The following NOSIP variants were observed in gnomAD, a reference collection of about 807,000 sequenced individuals.
NOSIP encodes nitric oxide synthase-interacting protein.
In NOSIP, 25 loss-of-function variants were observed where a neutral mutation model predicts 36.4. The observed-to-expected ratio is 0.69, with a 90% confidence interval of 0.50 to 0.96. The LOEUF (loss-of-function observed/expected upper bound fraction) is 0.96. NOSIP is among the 40% of genes least tolerant of loss of function. NOSIP has a pLI of 0.00. For missense variants in NOSIP, 370 were observed against 429.0 expected, an observed-to-expected ratio of 0.86 and a Z score of 1.21; for synonymous variants, 187 against 179.2, an observed-to-expected ratio of 1.04 and a Z score of -0.35.
chr19:49,557,503 T>G (rs2080270841), intron 4 of NOSIP: 3 of 1,306,706 alleles, frequency 2.3e-6, no homozygotes, highest in Non-Finnish European at 2.0e-6. Flanking sequence ...CCTCAGTTTC[T>G]TCATCTGTAA....
At chr19:49,564,904 C>T (rs1260817496) in intron 1 of NOSIP, among the ~76,000 whole-genome samples, 1 of 152,130 alleles carries the variant, frequency 6.6e-6, no homozygotes, top group Non-Finnish European at 1.5e-5. Context: ...AGGCGAGACA[C>T]CAGACACGCA....
intron 1 of NOSIP, among the ~76,000 whole-genome samples, chr19:49,575,598 CAG>C (rs1483559648): frequency 6.6e-6 from 1 of 152,072 alleles, no homozygotes; most frequent in Non-Finnish European, 1.5e-5. Context: ...TCTAGGAAGT[CAG>C]AGGATATAGC....
rs1398080377 is a variant in NOSIP, at chr19:49,558,997, A to G, written c.177-19T>C. ...ATCTGGGCTGCAAAGACAGGGTGCAATGAGAAAGAAAGAAAGTGATCCTCC... is the reference window on the plus strand; with the variant it reads ...ATCTGGGCTGCAAAGACAGGGTGCAGTGAGAAAGAAAGAAAGTGATCCTCC... On this transcript the variant is annotated intron_variant, in intron 3 of 8. Coordinates refer to ENST00000596358, the MANE Select transcript of NOSIP (RefSeq NM_001270960.2). 2 of 1,605,540 alleles carry G rather than the reference A, an allele frequency of 1.2e-6. No individual in the cohort carries two copies. Among genetic ancestry groups the G allele is most frequent in the Admixed American group, 3.3e-5 (2 of 59,894 alleles).
chr19:49,560,177 C>T lies in NOSIP; in HGVS notation c.71-138G>A, dbSNP rs113717609. On this transcript the variant is annotated intron_variant, in intron 2 of 8. Coordinates refer to ENST00000596358, the MANE Select transcript of NOSIP (RefSeq NM_001270960.2). The surrounding 1 kb of genome is among the most constrained non-coding windows in gnomAD (Gnocchi z 4.6). ...CAGAGAGAAACAGGCAGTTGGGAGC[C>T]GCTGCCTGTGTGCTGGGGCCACGGG... The T allele has an allele frequency of 6.1e-5, 39 of 640,416 alleles. No individual in the cohort carries two copies. Among genetic ancestry groups the T allele is most frequent in the African/African-American group, 4.4e-4 (24 of 54,822 alleles). The allele number at this position is 640,416 out of a possible 1,614,324, so 39.7% of individuals were successfully genotyped here.
chr19:49,562,658 GGATCACGA>G (rs1318332368), intron 1 of NOSIP, among the ~76,000 whole-genome samples: 1 of 152,104 alleles, frequency 6.6e-6, no homozygotes, highest in Admixed American at 6.6e-5. Context: ...AGGCGGGGGC[GGATCACGA>G]GATCAAGAGA....
chr19:49,573,358 C>T (rs1377209775), intron 1 of NOSIP, among the ~76,000 whole-genome samples: 1 of 152,204 alleles, frequency 6.6e-6, no homozygotes, highest in Non-Finnish European at 1.5e-5. Flanking sequence ...CCTGCCTCTC[C>T]GGGATCAGTT....
intron 1 of NOSIP, among the ~76,000 whole-genome samples, chr19:49,569,895 T>C (rs2080463036): frequency 6.6e-6 from 1 of 151,822 alleles, no homozygotes; most frequent in Non-Finnish European, 1.5e-5. Context: ...GCAGATCACC[T>C]GAGGTCAGGA....
In NOSIP at chr19:49,560,758, G is replaced by T; in HGVS notation, c.-1-66C>A. ...GGCAGGCAGCACAGGGAAGACCTCT[G>T]CAGCCCTCAGAGCTGATCTGCCCCC... On this transcript the variant is annotated intron_variant, in intron 1 of 8. Coordinates refer to ENST00000596358, the MANE Select transcript of NOSIP (RefSeq NM_001270960.2). The surrounding 1 kb of genome is among the most constrained non-coding windows in gnomAD (Gnocchi z 4.6). The T allele has an allele frequency of 1.6e-6, 2 of 1,223,298 alleles. No homozygotes were observed. Among genetic ancestry groups the T allele is most frequent in the Non-Finnish European group, 2.4e-6 (2 of 848,838 alleles). 75.8% of individuals were successfully genotyped at this position (1,223,298 alleles called of 1,614,324 possible).
chr19:49,556,986 G>A lies in NOSIP; in HGVS notation c.426C>T (p.Val142=). The part of the protein sequence containing the change: ...KALSGTSPDD[V]QPGPSVGPPS... ...GAGGACCCACACTGGGCCCAGGTTG[G>A]ACATCATCTGTGGGGGAAGGAAGGG... Residue 142 remains valine (V), a synonymous_variant, in exon 6 of 9, where the codon GTC becomes GTT. Coordinates refer to ENST00000596358, the MANE Select transcript of NOSIP (RefSeq NM_001270960.2). 1 of 1,607,862 alleles carries A rather than the reference G, an allele frequency of 6.2e-7. No individual in the cohort carries two copies. Among genetic ancestry groups the A allele is most frequent in the Non-Finnish European group, 8.5e-7 (1 of 1,177,102 alleles).
In NOSIP at chr19:49,556,982, G is replaced by T. The variant is rs1175119319; in HGVS notation, c.430C>A (p.Pro144Thr). 10 of 1,608,922 alleles carry T rather than the reference G, an allele frequency of 6.2e-6. No homozygotes were observed. The highest frequency in any genetic ancestry group is 1.3e-5 in the African/African-American group (1 of 74,864). The change falls in exon 6 of 9, where the codon CCT becomes ACT. Residue 144 changes from proline to threonine, a missense_variant. Physicochemically the swap from Pro to Thr is conservative, Grantham distance 38 (BLOSUM62 -1). Around this residue, in one of 3 missense-constraint regions of NOSIP, gnomAD observed 315 missense variants for 331.9 expected, o/e 0.95. Coordinates refer to ENST00000596358, the MANE Select transcript of NOSIP (RefSeq NM_001270960.2). ...LSGTSPDDVQ[P>T]GPSVGPPSKD... ...CTTGGAGGACCCACACTGGGCCCAG[G>T]TTGGACATCATCTGTGGGGGAAGGA...
At chr19:49,567,372 C>T (rs1417529113) in intron 1 of NOSIP, among the ~76,000 whole-genome samples, 1 of 152,040 alleles carries the variant, frequency 6.6e-6, no homozygotes, top group African/African-American at 2.4e-5. Context: ...CCGCCCGCCT[C>T]GGCCTCCCAA....
chr19:49,556,356 T>C lies in NOSIP; in HGVS notation c.795A>G (p.Gly265=). Residue 265 remains glycine, a synonymous_variant, in exon 8 of 9, where the codon GGA becomes GGG. Coordinates refer to ENST00000596358, the MANE Select transcript of NOSIP (RefSeq NM_001270960.2). The part of the protein sequence containing the change: ...IRKDMVDPVT[G]DKLTDRDIIV... The stretch of plus-strand genomic sequence containing the variant: ...TGATGTCGCGGTCTGTGAGTTTGTC[T>C]CCAGTCACAGGGTCCACCATGTCCT... The C allele has an allele frequency of 1.9e-6, 3 of 1,613,576 alleles. No homozygotes were observed. Among genetic ancestry groups the C allele is most frequent in the Non-Finnish European group, 2.5e-6 (3 of 1,179,834 alleles).
At position 49,559,965 on chromosome 19, in the gene NOSIP, A is replaced by T. The variant is rs1162427500; in HGVS notation, c.145T>A (p.Ser49Thr). ...AVKDFDCCCLSLQPCHDPVVT... is the reference protein window; with the variant it reads ...AVKDFDCCCLTLQPCHDPVVT... ...ACAGGATCGTGGCAAGGCTGCAGGG[A>T]GAGACAACAGCAGTCGAAGTCCTTC... The change falls in exon 3 of 9, where the codon TCC becomes ACC. Residue 49 changes from serine to threonine, a missense_variant. Ser to Thr is a moderately conservative substitution (Grantham distance 58, BLOSUM62 1). This residue lies in a region of NOSIP where 315 missense variants were observed against 331.9 expected (regional missense o/e 0.95). Transcript: ENST00000596358. 5 of 1,613,564 alleles carry T rather than the reference A, an allele frequency of 3.1e-6. No individual in the cohort carries two copies. The highest frequency in any genetic ancestry group is 1.3e-5 in the African/African-American group (1 of 74,900).
At chr19:49,570,986 G>T (rs1306877657) in intron 1 of NOSIP, among the ~76,000 whole-genome samples, 1 of 151,324 alleles carries the variant, frequency 6.6e-6, no homozygotes, top group Non-Finnish European at 1.5e-5. Context: ...AATTTAATTT[G>T]TTTTTTTTGA....
intron 1 of NOSIP, among the ~76,000 whole-genome samples, chr19:49,569,457 C>T (rs1349205764): frequency 3.4e-5 from 5 of 147,084 alleles, no homozygotes; most frequent in Admixed American, 6.7e-5. Context: ...CTCGGCCTTC[C>T]AAAGTGCTGG....
chr19:49,571,652 G>A (rs531019250), intron 1 of NOSIP, among the ~76,000 whole-genome samples: 10 of 152,170 alleles, frequency 6.6e-5, no homozygotes, highest in Admixed American at 1.3e-4. Context: ...TTAACTAGGT[G>A]ACAACTGTCA....
chr19:49,577,308 C>T (rs191102020), intron 1 of NOSIP, among the ~76,000 whole-genome samples: 19 of 152,262 alleles, frequency 1.2e-4, no homozygotes. Flanking sequence ...CCTGTAATCC[C>T]AGCACTTTGG....
At position 49,556,298 on chromosome 19, in the gene NOSIP, G is replaced by C; in HGVS notation, c.834+19C>G. The C allele has an allele frequency of 6.4e-7, 1 of 1,560,770 alleles. No individual in the cohort carries two copies. The highest frequency in any genetic ancestry group is 1.1e-5 in the South Asian group (1 of 87,504). ...GGGGCCTTGGAGTGCTGGGGGAAGGGGAGGGGTGGGACTCTTACCCGCTGC... is the reference window on the plus strand; with the variant it reads ...GGGGCCTTGGAGTGCTGGGGGAAGGCGAGGGGTGGGACTCTTACCCGCTGC... On this transcript the variant is annotated intron_variant, in intron 8 of 8. Transcript: ENST00000596358.
chr19:49,557,283 G>A (rs920787306), intron 4 of NOSIP, 34 bp from the exon 5 acceptor site: 11 of 1,542,342 alleles, frequency 7.1e-6, no homozygotes, highest in South Asian at 2.4e-5. Flanking sequence ...GCATCTGCCC[G>A]TGGGGCTGGG....
Sources: gnomAD v4.1 joint callset for allele counts (sites outside exome capture counted in the v4.1 genomes callset) on GRCh38, gnomAD v4.1.1 for gene constraint, gnomAD v4.1.1 regional missense constraint, Gnocchi (gnomAD v3.1) non-coding constraint, MANE v1.5 for transcripts, NCBI Gene and HGNC (gene_info 2026-07-23, HGNC 2026-07-21) for gene names.